RABGAP1: variants seen among roughly 807,000 people sequenced by gnomAD.
The protein encoded by RABGAP1 is RAB GTPase activating protein 1, also known as rab GTPase-activating protein 1.
A neutral mutation model predicts 137.6 loss-of-function variants in RABGAP1; 23 were observed. That is an observed-to-expected ratio of 0.17 (90% CI 0.12 to 0.24). RABGAP1 has a LOEUF of 0.24. Ranked by LOEUF, RABGAP1 falls within the 10% of genes least tolerant of loss-of-function variation. The pLI is 1.00. For missense variants in RABGAP1, 906 were observed against 1,275.8 expected (o/e 0.71, Z 4.42); for synonymous variants, 451 against 450.7 (o/e 1.00, Z -0.01).
chr9:123,015,029 C>T (rs2031111123), intron 11 of RABGAP1, among the ~76,000 whole-genome samples: 2 of 152,236 alleles, frequency 1.3e-5, no homozygotes, highest in African/African-American at 4.8e-5. Context: ...AACTACAATT[C>T]AAGATGAGAT....
intron 4 of RABGAP1, 115 bp downstream of exon 4, chr9:122,986,534 G>A (rs1380623125): frequency 4.4e-6 from 5 of 1,144,026 alleles, no homozygotes; most frequent in African/African-American, 1.6e-5. Context: ...CTTGTGTAAC[G>A]TTTCATTTAC....
chr9:122,970,393 C>T (rs1404375695), intron 2 of RABGAP1, among the ~76,000 whole-genome samples: 1 of 152,122 alleles, frequency 6.6e-6, no homozygotes, highest in Non-Finnish European at 1.5e-5. Flanking sequence ...ATAAGCATGC[C>T]TGTGAATAGC....
chr9:123,020,275 T>A (rs750076850), intron 12 of RABGAP1, 34 bp from the exon 13 acceptor site: 2 of 1,432,496 alleles, frequency 1.4e-6, no homozygotes, highest in Admixed American at 4.8e-5. Context: ...CTTATCTTCC[T>A]TTTATGATTT....
At chr9:122,934,400 A>G in the RABGAP1 span, among the ~76,000 whole-genome samples, 1 of 151,936 alleles carries the variant, frequency 6.6e-6, no homozygotes, top group African/African-American at 2.4e-5. Context: ...TTTTCAATCT[A>G]TTTGTGTCTT....
At chr9:123,082,701 A>T (rs700069) in intron 19 of RABGAP1, among the ~76,000 whole-genome samples, 115,078 of 149,778 alleles carry the variant, frequency 0.77, 45,447 homozygotes, top group Middle Eastern at 0.89. Flanking sequence ...TTGCTTCATT[A>T]GAACGTGTCA....
intron 13 of RABGAP1, among the ~76,000 whole-genome samples, chr9:123,056,524 G>A (rs1484913037): frequency 1.6e-4 from 23 of 139,478 alleles, no homozygotes; most frequent in African/African-American, 2.5e-4. Context: ...GGTGTTTCTT[G>A]CAGAGTGGGA....
chr9:123,079,209 G>GTTTGTTTT (rs569207915), intron 19 of RABGAP1, among the ~76,000 whole-genome samples: 2 of 141,988 alleles, frequency 1.4e-5, no homozygotes, highest in African/African-American at 5.3e-5. Context: ...TGTTGTTGTT[G>GTTTGTTTT]TTTGTTTTTT....
intron 10 of RABGAP1, among the ~76,000 whole-genome samples, chr9:123,000,230 T>C (rs996955434): frequency 6.6e-6 from 1 of 152,212 alleles, no homozygotes; most frequent in Non-Finnish European, 1.5e-5. Context: ...GTTACTTTCT[T>C]CTGAAGAGTC....
intron 10 of RABGAP1, among the ~76,000 whole-genome samples, chr9:123,004,043 TGA>T (rs1228498374): frequency 1.3e-5 from 2 of 152,230 alleles, no homozygotes; most frequent in African/African-American, 2.4e-5. Context: ...TTTAATTTGC[TGA>T]GAGTGTATGT....
intron 1 of RABGAP1, among the ~76,000 whole-genome samples, chr9:122,951,704 G>A (rs1434888243): frequency 6.6e-6 from 1 of 152,014 alleles, no homozygotes; most frequent in Non-Finnish European, 1.5e-5. Flanking sequence ...CAAGTAGCTG[G>A]CACTACAGGC....
At chr9:122,996,206 A>C (rs906325826) in intron 7 of RABGAP1, 55 bp downstream of exon 7, 13 of 1,567,142 alleles carry the variant, frequency 8.3e-6, no homozygotes, top group Non-Finnish European at 1.1e-5. Context: ...TTATCAATCT[A>C]ATGGCATAGT....
Position 123,070,244 on chromosome 9 carries a change from T to A in RABGAP1, c.1909-106T>A. 1 of 1,535,186 alleles carries A rather than the reference T, an allele frequency of 6.5e-7. No homozygotes were observed. The highest frequency in any genetic ancestry group is 8.7e-7 in the Non-Finnish European group (1 of 1,143,292). On this transcript the variant is annotated intron_variant, in intron 14 of 25. Transcript: ENST00000373647. This position sits in a 1 kb window ranked among gnomAD's most constrained non-coding sequence, Gnocchi z 4.4. ...ACTGTCTGTCAAAATGCTGTCCCAG[T>A]GTGGGTAGCATCCTCCAGGGTTCTG...
At chr9:123,028,932 T>C (rs2032139393) in intron 13 of RABGAP1, among the ~76,000 whole-genome samples, 1 of 152,232 alleles carries the variant, frequency 6.6e-6, no homozygotes, top group African/African-American at 2.4e-5. Flanking sequence ...CCATAGTCCA[T>C]ACTAAGTGTA....
At chr9:122,955,311 A>G (rs1343699307) in intron 1 of RABGAP1, among the ~76,000 whole-genome samples, 1 of 152,176 alleles carries the variant, frequency 6.6e-6, no homozygotes, top group African/African-American at 2.4e-5. Flanking sequence ...CTTTGGGGCA[A>G]GGTTCTATTT....
rs550051393 is a variant in RABGAP1 at position 122,992,909 on chromosome 9, A to G, written c.923+2696A>G. On this transcript the variant is annotated intron_variant, in intron 6 of 25. Transcript: ENST00000373647. Reference sequence around the variant, plus strand: ...TACTTTAGATGTATGAAATCCTAGCAAAATATACCTTGGTTTGTCAGATTT... The same window carrying G: ...TACTTTAGATGTATGAAATCCTAGCGAAATATACCTTGGTTTGTCAGATTT... Among the ~76,000 whole-genome samples, 4 of 151,782 alleles carry G rather than the reference A, an allele frequency of 2.6e-5. No individual in the cohort carries two copies. The South Asian group carries it at 8.3e-4, about 31-fold the overall frequency.
intron 19 of RABGAP1, among the ~76,000 whole-genome samples, chr9:123,081,960 C>T (rs948063828): frequency 6.6e-6 from 1 of 152,004 alleles, no homozygotes; most frequent in Non-Finnish European, 1.5e-5. Context: ...TCCACTGTCT[C>T]TTACCATTGC....
intron 21 of RABGAP1, among the ~76,000 whole-genome samples, chr9:123,096,158 C>T (rs959804443): frequency 6.7e-6 from 1 of 149,920 alleles, no homozygotes; most frequent in Middle Eastern, 3.2e-3. Flanking sequence ...GTAGAAGGTT[C>T]TGTGACTCTA....
intron 3 of RABGAP1, among the ~76,000 whole-genome samples, chr9:122,985,181 A>C (rs1021277584): frequency 6.6e-6 from 1 of 152,216 alleles, no homozygotes; most frequent in Non-Finnish European, 1.5e-5. Flanking sequence ...GGAGAAGGAC[A>C]ACTTAAAAGA....
chr9:123,002,361 T>G (rs1165662418), intron 10 of RABGAP1, among the ~76,000 whole-genome samples: 1 of 28,198 alleles, frequency 3.5e-5, no homozygotes, highest in African/African-American at 1.3e-4. Context: ...TTTTATTATA[T>G]ATATATATTT....
Sources: gnomAD v4.1 joint callset for allele counts (sites outside exome capture counted in the v4.1 genomes callset) on GRCh38, gnomAD v4.1.1 for gene constraint, Gnocchi (gnomAD v3.1) non-coding constraint, MANE v1.5 for transcripts, NCBI Gene and HGNC (gene_info 2026-07-23, HGNC 2026-07-21) for gene names.